Variants in BICDL1 observed in about 807,000 individuals in gnomAD.
BICDL1 encodes BICD family like cargo adaptor 1.
In BICDL1, 20 loss-of-function variants were observed where a neutral mutation model predicts 76.8. The observed-to-expected ratio is 0.26, with a 90% CI of 0.18 to 0.38. BICDL1 has a LOEUF of 0.38. Among genes scored for constraint, BICDL1 ranks in the 10% least tolerant of loss-of-function variants. The pLI is 1.00. For missense variants in BICDL1, 700 were observed against 798.6 expected, an observed-to-expected ratio of 0.88 and a Z score of 1.49; for synonymous variants, 383 against 337.1, an observed-to-expected ratio of 1.14 and a Z score of -1.49.
chr12:120,045,090 C>T (rs1168379223), intron 2 of BICDL1, among the ~76,000 whole-genome samples: 1 of 151,998 alleles, frequency 6.6e-6, no homozygotes, highest in Non-Finnish European at 1.5e-5. Flanking sequence ...AAAACAACCC[C>T]ATCAAAAAGT....
At chr12:120,024,704 T>C (rs1330833884) in intron 2 of BICDL1, among the ~76,000 whole-genome samples, 1 of 152,076 alleles carries the variant, frequency 6.6e-6, no homozygotes, top group Non-Finnish European at 1.5e-5. Context: ...TCTTTCTTTT[T>C]TTTAACAGAG....
At chr12:120,066,095 G>A (rs1459747500) in intron 4 of BICDL1, among the ~76,000 whole-genome samples, 1 of 152,200 alleles carries the variant, frequency 6.6e-6, no homozygotes, top group Non-Finnish European at 1.5e-5. Context: ...ACATTTGTGT[G>A]CCTCTTTGGC....
chr12:120,034,671 G>A (rs1277669224), intron 2 of BICDL1, among the ~76,000 whole-genome samples: 1 of 152,186 alleles, frequency 6.6e-6, no homozygotes, highest in Admixed American at 6.5e-5. Context: ...TCACAATTCT[G>A]CATTCAAGGT....
intron 2 of BICDL1, among the ~76,000 whole-genome samples, chr12:120,059,860 A>G (rs971559255): frequency 5.9e-5 from 9 of 151,562 alleles, no homozygotes; most frequent in African/African-American, 1.9e-4. Flanking sequence ...CTGCAGGCAC[A>G]TACCACCATG....
chr12:120,073,399 C>T (rs1009036954), intron 6 of BICDL1, among the ~76,000 whole-genome samples: 2 of 152,170 alleles, frequency 1.3e-5, no homozygotes, highest in African/African-American at 4.8e-5. Context: ...TTCTATAGCC[C>T]TTTGGTCCTA....
intron 9 of BICDL1, chr12:120,091,957 A>G: frequency 1.0e-6 from 1 of 985,306 alleles, no homozygotes; most frequent in Non-Finnish European, 1.2e-6. Flanking sequence ...CGGACACCAC[A>G]GGCTGACTCA....
At chr12:120,052,294 TCTTC>T (rs1453140885) in intron 2 of BICDL1, among the ~76,000 whole-genome samples, 2 of 150,436 alleles carry the variant, frequency 1.3e-5, no homozygotes, top group Non-Finnish European at 3.0e-5. Flanking sequence ...ACTTTTTCTT[TCTTC>T]CTTCCTTCCT....
chr12:119,998,400 T>G, intron 1 of BICDL1, 121 bp from the exon 2 acceptor site: 1 of 721,422 alleles, frequency 1.4e-6, no homozygotes, highest in African/African-American at 1.8e-5. Context: ...TTGTCCTATG[T>G]GGTAGGGTGT....
intron 2 of BICDL1, among the ~76,000 whole-genome samples, chr12:120,044,127 G>GA (rs1445412923): frequency 1.3e-5 from 2 of 152,216 alleles, no homozygotes; most frequent in East Asian, 3.8e-4. Context: ...GTTCAGGGAA[G>GA]AAAAAGCCAT....
chr12:120,090,681 C>T, intron 9 of BICDL1: 1 of 363,906 alleles, frequency 2.7e-6, no homozygotes, highest in Non-Finnish European at 5.4e-6. Context: ...AATATTTCTC[C>T]CCAAGAATTC....
intron 2 of BICDL1, chr12:119,999,742 A>C (rs957894287): frequency 6.4e-5 from 28 of 438,132 alleles, no homozygotes; most frequent in African/African-American, 5.5e-4. Flanking sequence ...GCCCTGGTCT[A>C]TAAATCCATC....
chr12:120,039,276 G>A (rs1318691124), intron 2 of BICDL1, among the ~76,000 whole-genome samples: 1 of 151,840 alleles, frequency 6.6e-6, no homozygotes, highest in African/African-American at 2.4e-5. Context: ...CAGCCTGGGC[G>A]ACAGAGTGAG....
intron 9 of BICDL1, chr12:120,091,134 G>T: frequency 8.1e-7 from 1 of 1,232,634 alleles, no homozygotes; most frequent in Non-Finnish European, 1.0e-6. Context: ...CGTCATCTCT[G>T]TGCAGTGTGA....
chr12:120,007,963 T>A (rs184901172), intron 2 of BICDL1, among the ~76,000 whole-genome samples: 1 of 152,174 alleles, frequency 6.6e-6, no homozygotes, highest in African/African-American at 2.4e-5. Flanking sequence ...ATTTGTTTTT[T>A]TCTTAAAAGT....
intron 2 of BICDL1, among the ~76,000 whole-genome samples, chr12:120,031,029 A>G (rs892617323): frequency 2.6e-5 from 4 of 152,184 alleles, no homozygotes; most frequent in African/African-American, 7.2e-5. Flanking sequence ...TCAACCAACA[A>G]TTATTAAGAA....
At chr12:120,061,096 G>A (rs1025388401) in intron 2 of BICDL1, among the ~76,000 whole-genome samples, 2 of 152,190 alleles carry the variant, frequency 1.3e-5, no homozygotes, top group African/African-American at 4.8e-5. Context: ...TTTGGTGTTT[G>A]CTGTATTTTA....
Position 119,989,873 on chromosome 12 carries a change from C to T in BICDL1, c.5C>T (p.Ser2Phe), listed in dbSNP as rs1951475926. Residue 2 changes from serine (S) to phenylalanine (F), a missense_variant, in exon 1 of 10, where the codon TCC becomes TTC. Coordinates refer to ENST00000548673, the MANE Select transcript of BICDL1 (RefSeq NM_001367886.1). Reference protein sequence around the residue: MSAFCLGLVGRA... With the variant: MFAFCLGLVGRA... ...CGGGCTCCGCGCGCGCGGGCCATGT[C>T]CGCTTTCTGCCTGGGCTTGGTCGGC... The T allele has an allele frequency of 1.4e-6, 2 of 1,410,374 alleles. No individual in the cohort carries two copies. Among genetic ancestry groups the T allele is most frequent in the Non-Finnish European group, 9.1e-7 (1 of 1,094,194 alleles). The allele number at this position is 1,410,374 out of a possible 1,614,324, so 87.4% of individuals were successfully genotyped here.
chr12:120,070,230 T>G (rs572309984), intron 4 of BICDL1, among the ~76,000 whole-genome samples: 2 of 152,348 alleles, frequency 1.3e-5, no homozygotes, highest in East Asian at 3.9e-4. Context: ...CATTTTCTAC[T>G]CCCACCAGCA....
intron 9 of BICDL1, chr12:120,092,308 G>T: frequency 1.0e-6 from 1 of 985,436 alleles, no homozygotes; most frequent in Non-Finnish European, 1.2e-6. Flanking sequence ...GAACGAATTC[G>T]AGTTGGGGGA....
Sources: gnomAD v4.1 joint callset for allele counts (sites outside exome capture counted in the v4.1 genomes callset) on GRCh38, gnomAD v4.1.1 for gene constraint, MANE v1.5 for transcripts, NCBI Gene and HGNC (gene_info 2026-07-23, HGNC 2026-07-21) for gene names.